DCAF13: variants seen among roughly 807,000 people sequenced by gnomAD.
The protein encoded by DCAF13 is DDB1 and CUL4 associated factor 13.
DCAF13 carries 38 observed loss-of-function variants against 59.0 expected under a neutral mutation model. That is an observed-to-expected ratio of 0.64 (90% CI 0.50 to 0.84). The LOEUF is 0.84. DCAF13 is among the 40% of genes least tolerant of loss of function. DCAF13 has a pLI of 0.00. For synonymous variants in DCAF13, 173 were observed against 175.0 expected, an observed-to-expected ratio of 0.99 and a Z score of 0.09; for missense variants, 469 against 558.4, an observed-to-expected ratio of 0.84 and a Z score of 1.61.
At position 103,415,458 on chromosome 8, in the gene DCAF13, G is replaced by C. The variant is rs1273723153; in HGVS notation, c.12G>C (p.Lys4Asn). Residue 4 changes from lysine (K) to asparagine (N), a missense_variant, in exon 1 of 11, where the codon AAG becomes AAC. Lys to Asn is a moderately conservative substitution (Grantham distance 94). This residue lies in a region of DCAF13 where 355 missense variants were observed against 399.1 expected (regional missense o/e 0.89). Coordinates refer to ENST00000612750, the MANE Select transcript of DCAF13 (RefSeq NM_015420.7). MKVKMLSRNPDNYV... is the reference protein window; with the variant it reads MKVNMLSRNPDNYV... Reference sequence around the variant, plus strand: ...GAAGAGCAACCGAGATGAAGGTGAAGATGCTGAGCCGGAATCCGGACAATT... The same window carrying C: ...GAAGAGCAACCGAGATGAAGGTGAACATGCTGAGCCGGAATCCGGACAATT... 1.9e-6 allele frequency: 3 copies of C among 1,613,948 alleles called. No homozygotes were observed. The highest frequency in any genetic ancestry group is 2.5e-6 in the Non-Finnish European group (3 of 1,179,954).
intron 6 of DCAF13, among the ~76,000 whole-genome samples, chr8:103,431,583 C>T (rs1360614132): frequency 6.6e-6 from 1 of 152,138 alleles, no homozygotes; most frequent in Non-Finnish European, 1.5e-5. Context: ...ATGGGAAGAT[C>T]CTATATGAAC....
In DCAF13 at chr8:103,420,528, G is replaced by T. The variant is rs781255001; in HGVS notation, c.270+65G>T. The T allele has an allele frequency of 9.3e-6, 14 of 1,501,128 alleles. No homozygotes were observed. In the African/African-American group the frequency reaches 1.8e-4, roughly 20 times the overall value. 93.0% of individuals were successfully genotyped at this position (1,501,128 alleles called of 1,614,324 possible). On this transcript the variant is annotated intron_variant, in intron 2 of 10. Coordinates refer to ENST00000612750, the MANE Select transcript of DCAF13 (RefSeq NM_015420.7). Reference sequence around the variant, plus strand: ...TTATATTACAAATGTTTTCCCTTTAGTTTTTAGTTACTGTAGGTTTTACTT... The same window carrying T: ...TTATATTACAAATGTTTTCCCTTTATTTTTTAGTTACTGTAGGTTTTACTT...
At chr8:103,424,928 G>C (rs1354349786) in intron 3 of DCAF13, among the ~76,000 whole-genome samples, 1 of 152,132 alleles carries the variant, frequency 6.6e-6, no homozygotes, top group Non-Finnish European at 1.5e-5. Flanking sequence ...AATACTTTTT[G>C]TCTATAACAA....
chr8:103,440,442 T>C, intron 9 of DCAF13, 171 bp downstream of exon 9: 1 of 527,724 alleles, frequency 1.9e-6, no homozygotes, highest in Non-Finnish European at 3.2e-6. Context: ...ATTTGCTTCA[T>C]TCTGATCTAT....
intron 7 of DCAF13, among the ~76,000 whole-genome samples, chr8:103,433,625 T>G (rs551368575): frequency 7.2e-5 from 11 of 152,064 alleles, no homozygotes; most frequent in Non-Finnish European, 1.5e-4. Flanking sequence ...ATATGATGTT[T>G]TAGTGGTACC....
intron 5 of DCAF13, chr8:103,430,049 AAT>A (rs1816841841): frequency 1.3e-5 from 2 of 152,340 alleles, no homozygotes; most frequent in South Asian, 4.1e-4. Flanking sequence ...AGGTAAGTAA[AAT>A]ATGTTTTATT....
In DCAF13 at chr8:103,420,454, T is replaced by C; in HGVS notation, c.261T>C (p.Cys87=). Residue 87 remains cysteine, a synonymous_variant, in exon 2 of 11, where the codon TGT becomes TGC. Coordinates refer to ENST00000612750, the MANE Select transcript of DCAF13 (RefSeq NM_015420.7). ...EKLATVLSGA[C]DGEVRIWNLT... is the part of the protein sequence containing the mutation. ...TGGCTACTGTCCTTTCTGGGGCGTG[T>C]GATGGAGAGGCAAGTGTCAATCTAG... 1.2e-6 allele frequency: 2 copies of C among 1,613,362 alleles called. No individual in the cohort carries two copies. The highest frequency in any genetic ancestry group is 1.7e-6 in the Non-Finnish European group (2 of 1,179,604).
chr8:103,435,262 G>A (rs1258240090), intron 7 of DCAF13, among the ~76,000 whole-genome samples: 2 of 152,010 alleles, frequency 1.3e-5, no homozygotes, highest in Non-Finnish European at 2.9e-5. Context: ...TTTATTAAAA[G>A]TATGTATTTA....
At chr8:103,425,345 T>G (rs1399741675) in intron 3 of DCAF13, among the ~76,000 whole-genome samples, 1 of 152,260 alleles carries the variant, frequency 6.6e-6, no homozygotes, top group Non-Finnish European at 1.5e-5. Context: ...TACCCATGTC[T>G]AAATTACCAT....
At chr8:103,430,575 C>T in intron 5 of DCAF13, 37 bp from the exon 6 acceptor site, 1 of 1,476,628 alleles carries the variant, frequency 6.8e-7, no homozygotes, top group Non-Finnish European at 9.4e-7. Flanking sequence ...GCTGCCAGGT[C>T]TGGCTTTGAA....
intron 5 of DCAF13, chr8:103,429,239 G>T (rs1346897006): frequency 6.6e-6 from 1 of 152,172 alleles, no homozygotes; most frequent in African/African-American, 2.4e-5. Context: ...GCGACATAAT[G>T]AGAAGCCAAG....
chr8:103,426,215 A>AT lies in DCAF13; in HGVS notation c.468+73dup, dbSNP rs1816791460. 3.3e-5 allele frequency: 30 copies of AT among 908,352 alleles called. No homozygotes were observed. In the South Asian group the frequency reaches 5.2e-4, roughly 16 times the overall value. The allele number at this position is 908,352 out of a possible 1,614,324, so 56.3% of individuals were successfully genotyped here. On this transcript the variant is annotated intron_variant, in intron 4 of 10. Transcript: ENST00000612750. Reference sequence around the variant, plus strand: ...TATTTAAAATTATTTTATAGTTATAATTTCCTAAGATGGGGAAGAAGATGC... The same window carrying AT: ...TATTTAAAATTATTTTATAGTTATAATTTTCCTAAGATGGGGAAGAAGATGC...
At chr8:103,439,905 A>G (rs570624479) in intron 8 of DCAF13, 1 of 286,806 alleles carries the variant, frequency 3.5e-6, no homozygotes, top group Admixed American at 5.1e-5. Flanking sequence ...GTTCATATTT[A>G]TTTCTCTTAC....
At chr8:103,442,609 TAAG>T (rs2072490742) in intron 10 of DCAF13, 183 bp from the exon 11 acceptor site, 1 of 448,618 alleles carries the variant, frequency 2.2e-6, no homozygotes, top group East Asian at 3.6e-5. Context: ...GTAAATATGA[TAAG>T]AAGCAATTAA....
chr8:103,421,237 T>C (rs1452944629), intron 3 of DCAF13, 155 bp downstream of exon 3: 1 of 690,606 alleles, frequency 1.4e-6, no homozygotes, highest in Non-Finnish European at 2.6e-6. Flanking sequence ...ATTACTAGTT[T>C]TCTTTATATA....
At chr8:103,426,001 T>G in intron 3 of DCAF13, 55 bp from the exon 4 acceptor site, 1 of 1,279,754 alleles carries the variant, frequency 7.8e-7, no homozygotes, top group Non-Finnish European at 1.1e-6. Context: ...GTTGGCAAGT[T>G]TTAATTTATA....
At chr8:103,432,038 C>A (rs1440632700) in intron 6 of DCAF13, among the ~76,000 whole-genome samples, 1 of 152,118 alleles carries the variant, frequency 6.6e-6, no homozygotes, top group African/African-American at 2.4e-5. Context: ...CTTTCTGTTG[C>A]TTCTTTGCTC....
rs935722505 is a variant in DCAF13 at position 103,443,003 on chromosome 8, T to C, written c.*121T>C. Reference sequence around the variant, plus strand: ...TTTTAGTTATATGTGTAGAGCTTTATTGTTACTCCTTTTAGCTACCCTGAA... The same window carrying C: ...TTTTAGTTATATGTGTAGAGCTTTACTGTTACTCCTTTTAGCTACCCTGAA... On this transcript the variant is annotated 3_prime_UTR_variant, in exon 11 of 11. Coordinates refer to ENST00000612750, the MANE Select transcript of DCAF13 (RefSeq NM_015420.7). 1.7e-6 allele frequency: 1 copy of C among 601,418 alleles called. No homozygotes were observed. The highest frequency in any genetic ancestry group is 2.7e-6 in the Non-Finnish European group (1 of 366,382). The allele number at this position is 601,418 out of a possible 1,614,324, so 37.3% of individuals were successfully genotyped here.
rs755950053 is a variant in DCAF13, at chr8:103,427,104, A to G, written c.476A>G (p.Tyr159Cys). ...ACCTTTTTGCTTTTAAAGACAGTGT[A>G]TACTGGGATTGATCATCACTGGAAA... ...PLHTILGKTV[Y>C]TGIDHHWKEA... is the part of the protein sequence containing the mutation. The change falls in exon 5 of 11, where the codon TAT becomes TGT. Residue 159 changes from tyrosine to cysteine, a missense_variant. Coordinates refer to ENST00000612750, the MANE Select transcript of DCAF13 (RefSeq NM_015420.7). The G allele has an allele frequency of 3.1e-6, 5 of 1,611,818 alleles. No individual in the cohort carries two copies. The highest frequency in any genetic ancestry group is 1.8e-4 in the Middle Eastern group (1 of 5,506).
Sources: allele counts gnomAD v4.1 joint callset (sites outside exome capture counted in the v4.1 genomes callset), GRCh38; gene constraint gnomAD v4.1.1; regional missense constraint gnomAD v4.1.1; transcripts MANE v1.5; gene names NCBI Gene and HGNC (gene_info 2026-07-23, HGNC 2026-07-21).